MATCAP2: variants seen among roughly 807,000 people sequenced by gnomAD.
The protein encoded by MATCAP2 is microtubule associated tyrosine carboxypeptidase 2.
the MATCAP2 span, chr7:36,334,967 A>G: frequency 7.2e-7 from 1 of 1,380,772 alleles, no homozygotes; most frequent in Admixed American, 2.3e-5. Context: ...CTACTAAGAA[A>G]AAACCCCTTC....
the MATCAP2 span, chr7:36,334,924 A>C: frequency 1.1e-6 from 1 of 895,298 alleles, no homozygotes; most frequent in Non-Finnish European, 1.7e-6. Context: ...ACTTCTTGCT[A>C]AATTTTCTTC....
the MATCAP2 span, among the ~76,000 whole-genome samples, chr7:36,377,637 A>G: frequency 6.6e-6 from 1 of 152,008 alleles, no homozygotes; most frequent in Non-Finnish European, 1.5e-5. Flanking sequence ...CCTGAACTTG[A>G]ATGTTGGCCT....
the MATCAP2 span, among the ~76,000 whole-genome samples, chr7:36,377,025 G>C: frequency 1.3e-5 from 2 of 152,100 alleles, no homozygotes; most frequent in Non-Finnish European, 2.9e-5. Context: ...CCTGAATACA[G>C]CACACTGATG....
At chr7:36,336,353 C>A in the MATCAP2 span, 14 of 1,252,198 alleles carry the variant, frequency 1.1e-5, no homozygotes, top group African/African-American at 1.9e-4. Context: ...TTTGAGATGT[C>A]ATAAGCTAGC....
chr7:36,357,979 A>G, the MATCAP2 span, among the ~76,000 whole-genome samples: 2 of 152,180 alleles, frequency 1.3e-5, no homozygotes, highest in African/African-American at 4.8e-5. Context: ...CAGGCAGATC[A>G]CTTGAGCAGG....
chr7:36,339,151 G>GT, the MATCAP2 span, among the ~76,000 whole-genome samples: 1 of 152,096 alleles, frequency 6.6e-6, no homozygotes, highest in African/African-American at 2.4e-5. Context: ...TATTTTTACA[G>GT]TTTGTCAACA....
At chr7:36,363,856 C>T in the MATCAP2 span, among the ~76,000 whole-genome samples, 2 of 152,178 alleles carry the variant, frequency 1.3e-5, no homozygotes, top group Non-Finnish European at 1.5e-5. Flanking sequence ...GGTAAGCAGC[C>T]TTTGTTAACT....
the MATCAP2 span, chr7:36,331,014 T>C: frequency 6.2e-7 from 1 of 1,613,580 alleles, no homozygotes. Context: ...TGGAAGTCTA[T>C]GGTATCTCTG....
At chr7:36,385,283 C>T in the MATCAP2 span, among the ~76,000 whole-genome samples, 1 of 152,188 alleles carries the variant, frequency 6.6e-6, no homozygotes, top group Non-Finnish European at 1.5e-5. Flanking sequence ...AATTAAAAAT[C>T]AGAAGAGGAT....
chr7:36,380,806 T>C, the MATCAP2 span, among the ~76,000 whole-genome samples: 2 of 152,358 alleles, frequency 1.3e-5, no homozygotes, highest in Admixed American at 6.5e-5. Context: ...CTCGGCTCAC[T>C]GCAACCTCCA....
At chr7:36,370,948 CATTGT>C in the MATCAP2 span, among the ~76,000 whole-genome samples, 2 of 152,060 alleles carry the variant, frequency 1.3e-5, no homozygotes, top group Non-Finnish European at 2.9e-5. Context: ...ATTCTAGAAG[CATTGT>C]ATTGTGGAAC....
At chr7:36,336,801 T>G in the MATCAP2 span, among the ~76,000 whole-genome samples, 1 of 151,972 alleles carries the variant, frequency 6.6e-6, no homozygotes, top group Non-Finnish European at 1.5e-5. Context: ...AAAAAAATTT[T>G]TTTAAAGAAT....
chr7:36,383,187 G>A, the MATCAP2 span, among the ~76,000 whole-genome samples: 2 of 152,152 alleles, frequency 1.3e-5, no homozygotes, highest in Admixed American at 6.5e-5. Context: ...ATAGTAGAGA[G>A]TAGTAACAAG....
chr7:36,371,726 G>A, the MATCAP2 span, among the ~76,000 whole-genome samples: 16 of 152,108 alleles, frequency 1.1e-4, no homozygotes, highest in Non-Finnish European at 1.8e-4. Flanking sequence ...TGTTGCTACT[G>A]GAAGAAAAGT....
At chr7:36,386,694 T>A in the MATCAP2 span, among the ~76,000 whole-genome samples, 1 of 151,786 alleles carries the variant, frequency 6.6e-6, no homozygotes, top group South Asian at 2.1e-4. Context: ...AAAAGAAAAT[T>A]GAAAGTCCAA....
chr7:36,358,152 C>T, the MATCAP2 span, among the ~76,000 whole-genome samples: 1 of 151,450 alleles, frequency 6.6e-6, no homozygotes, highest in African/African-American at 2.4e-5. Flanking sequence ...GAGCTGAGAT[C>T]GCACCACTGC....
At chr7:36,364,751 T>C in the MATCAP2 span, among the ~76,000 whole-genome samples, 1 of 152,216 alleles carries the variant, frequency 6.6e-6, no homozygotes, top group Admixed American at 6.5e-5. Context: ...ATGAAGTTTC[T>C]GGCTGTCCAA....
At chr7:36,382,299 CAAAAAAAAAAAAAAAAA>C in the MATCAP2 span, among the ~76,000 whole-genome samples, 1 of 62,934 alleles carries the variant, frequency 1.6e-5, no homozygotes, top group Admixed American at 2.3e-4. Context: ...GCGTCTGTCT[CAAAAAAAAAAAAAAAAA>C]AAAAAAAAGA....
the MATCAP2 span, chr7:36,384,020 T>C: frequency 4.4e-6 from 2 of 456,338 alleles, no homozygotes; most frequent in Non-Finnish European, 7.2e-6. Flanking sequence ...AAATAGTATT[T>C]TAAAAAGTAT....
Sources: allele counts gnomAD v4.1 joint callset (sites outside exome capture counted in the v4.1 genomes callset), GRCh38; gene constraint gnomAD v4.1.1; transcripts MANE v1.5; gene names NCBI Gene and HGNC (gene_info 2026-07-23, HGNC 2026-07-21).